The following AFF1 variants were observed in gnomAD, a reference collection of about 807,000 sequenced individuals.
AFF1 encodes ALF transcription elongation factor 1, also known as AF4/FMR2 family member 1.
AFF1 carries 48 observed loss-of-function variants against 121.7 expected under a neutral mutation model. The ratio of observed to expected loss-of-function variants is 0.39; its 90% CI spans 0.31 to 0.50. The LOEUF is 0.50. Among genes scored for constraint, AFF1 ranks in the 20% least tolerant of loss-of-function variants. The pLI, the probability that AFF1 is intolerant of heterozygous loss-of-function variation, is 0.76. For synonymous variants in AFF1, 613 were observed against 563.0 expected (o/e 1.09, Z -1.26); for missense variants, 1,523 against 1,511.7 (o/e 1.01, Z -0.12).
intron 2 of AFF1, among the ~76,000 whole-genome samples, chr4:87,044,790 G>A (rs72667765): frequency 0.21 from 32,651 of 152,048 alleles, 3,715 homozygotes; most frequent in East Asian, 0.32. Flanking sequence ...GCCTTACAGG[G>A]TATGCTCAGG....
intron 2 of AFF1, among the ~76,000 whole-genome samples, chr4:86,960,243 A>G (rs1017966976): frequency 5.9e-5 from 9 of 152,100 alleles, no homozygotes; most frequent in African/African-American, 2.2e-4. Flanking sequence ...CCCAGGATTT[A>G]CCCTGAATCT....
chr4:87,120,976 A>G (rs985855782), intron 12 of AFF1, among the ~76,000 whole-genome samples: 4 of 151,898 alleles, frequency 2.6e-5, no homozygotes, highest in Non-Finnish European at 4.4e-5. Flanking sequence ...TCTTCCTTTT[A>G]TGGCCTTCAC....
chr4:87,070,606 C>T (rs371914998), intron 4 of AFF1, among the ~76,000 whole-genome samples: 35 of 152,238 alleles, frequency 2.3e-4, no homozygotes, highest in Middle Eastern at 3.2e-3. Context: ...ATGCACACTC[C>T]ATCCAAGATG....
chr4:87,090,998 G>A (rs1724239510), intron 6 of AFF1, among the ~76,000 whole-genome samples: 2 of 138,270 alleles, frequency 1.4e-5, no homozygotes, highest in South Asian at 4.7e-4. Context: ...CTAGACAACG[G>A]TGAGACCCCG....
intron 2 of AFF1, among the ~76,000 whole-genome samples, chr4:86,953,324 C>A (rs1216178342): frequency 6.6e-6 from 1 of 151,922 alleles, no homozygotes; most frequent in African/African-American, 2.4e-5. Context: ...CTTTTATTTG[C>A]CCAGAAAAAA....
chr4:87,090,482 TAAC>T (rs1002837960), intron 6 of AFF1, among the ~76,000 whole-genome samples: 10 of 152,330 alleles, frequency 6.6e-5, no homozygotes, highest in Admixed American at 4.6e-4. Flanking sequence ...GCTGGTTTAA[TAAC>T]AAGCAAATAA....
chr4:86,995,449 T>C (rs1313911884), intron 2 of AFF1, among the ~76,000 whole-genome samples: 2 of 151,358 alleles, frequency 1.3e-5, no homozygotes, highest in East Asian at 3.9e-4. Context: ...GTGCCTGCGA[T>C]TGCAGGCGCG....
chr4:87,071,801 TGTATTCTATATAGAAAA>T, intron 4 of AFF1, among the ~76,000 whole-genome samples: 1 of 152,338 alleles, frequency 6.6e-6, no homozygotes, highest in Middle Eastern at 3.4e-3. Context: ...ACTTAGGTTC[TGTATTCTATATAGAAAA>T]GTATGGAGGG....
chr4:86,949,006 C>G (rs899855485), intron 2 of AFF1, among the ~76,000 whole-genome samples: 2 of 152,108 alleles, frequency 1.3e-5, no homozygotes, highest in Admixed American at 6.5e-5. Context: ...CAACTCTGCA[C>G]ACACAATTTA....
chr4:87,082,761 A>G (rs947960122), intron 4 of AFF1, among the ~76,000 whole-genome samples: 2 of 152,200 alleles, frequency 1.3e-5, no homozygotes, highest in Non-Finnish European at 2.9e-5. Context: ...ATTCAATTAC[A>G]GGACGGTGTG....
chr4:87,031,228 G>A (rs995843742), intron 2 of AFF1, among the ~76,000 whole-genome samples: 1 of 152,140 alleles, frequency 6.6e-6, no homozygotes, highest in African/African-American at 2.4e-5. Context: ...ACACCCTATG[G>A]TGAATGATCA....
chr4:87,042,873 T>G (rs1730295474), intron 2 of AFF1, among the ~76,000 whole-genome samples: 1 of 152,220 alleles, frequency 6.6e-6, no homozygotes, highest in Non-Finnish European at 1.5e-5. Context: ...TTTCAGTATT[T>G]TGGAATGAAA....
At chr4:86,980,912 C>T (rs922184548) in intron 2 of AFF1, among the ~76,000 whole-genome samples, 6 of 150,876 alleles carry the variant, frequency 4.0e-5, no homozygotes, top group South Asian at 2.1e-4. Context: ...TGGTGGCTCA[C>T]GCCTATAATC....
chr4:86,942,479 C>T (rs1720534477), intron 1 of AFF1, among the ~76,000 whole-genome samples: 1 of 152,204 alleles, frequency 6.6e-6, no homozygotes, highest in Admixed American at 6.5e-5. Context: ...GTGGCCAGCA[C>T]TGCTATTTTC....
intron 12 of AFF1, among the ~76,000 whole-genome samples, chr4:87,123,927 C>T (rs768129478): frequency 6.6e-6 from 1 of 152,202 alleles, no homozygotes; most frequent in Non-Finnish European, 1.5e-5. Context: ...GGTGACCTGA[C>T]ACTTAGGAAG....
rs751790085 is a variant in AFF1 at position 87,114,651 on chromosome 4, C to T, written c.1818C>T (p.Thr606=). 2.2e-5 allele frequency: 36 copies of T among 1,613,116 alleles called. No homozygotes were observed. The highest frequency in any genetic ancestry group is 1.1e-4 in the South Asian group (10 of 91,038). Residue 606 remains threonine (T), a synonymous_variant, in exon 12 of 21, where the codon ACC becomes ACT. Coordinates refer to ENST00000395146, the MANE Select transcript of AFF1 (RefSeq NM_001166693.3). ...PAQQEPPQRQ[T]VGTKQPKKPV... is the part of the protein sequence containing the mutation. ...AGCAGGAGCCCCCACAAAGGCAAACCGTTGGAACCAAACAACCCAAAAAAC... is the reference window on the plus strand; with the variant it reads ...AGCAGGAGCCCCCACAAAGGCAAACTGTTGGAACCAAACAACCCAAAAAAC...
intron 1 of AFF1, among the ~76,000 whole-genome samples, chr4:86,943,949 G>A (rs538668621): frequency 2.8e-4 from 29 of 105,384 alleles, no homozygotes; most frequent in African/African-American, 8.7e-4. Flanking sequence ...CAACAAGAAC[G>A]AAACTCTACC....
Position 86,935,036 on chromosome 4 carries a change from C to A in AFF1, c.-241C>A, listed in dbSNP as rs1255541139. 1 of 151,858 alleles carries A rather than the reference C, an allele frequency of 6.6e-6. No homozygotes were observed. Among genetic ancestry groups the A allele is most frequent in the African/African-American group, 2.4e-5 (1 of 41,388 alleles). 9.4% of individuals were successfully genotyped at this position (151,858 alleles called of 1,614,324 possible). On this transcript the variant is annotated 5_prime_UTR_variant, in exon 1 of 21. Coordinates refer to ENST00000395146, the MANE Select transcript of AFF1 (RefSeq NM_001166693.3). The stretch of plus-strand genomic sequence containing the variant: ...AGCCAGCTAGCGAGCGACGGGCGCG[C>A]GCGGCCCCTGCGCACTCGGCCGCCG...
At chr4:87,061,649 T>C (rs1373288831) in intron 4 of AFF1, among the ~76,000 whole-genome samples, 3 of 152,208 alleles carry the variant, frequency 2.0e-5, no homozygotes, top group South Asian at 4.1e-4. Context: ...GCAGGGTGCA[T>C]GTGCTGTCTT....
Sources: gnomAD v4.1 joint callset for allele counts (sites outside exome capture counted in the v4.1 genomes callset) on GRCh38, gnomAD v4.1.1 for gene constraint, MANE v1.5 for transcripts, NCBI Gene and HGNC (gene_info 2026-07-23, HGNC 2026-07-21) for gene names.